PRR16: variants seen among roughly 807,000 people sequenced by gnomAD.
PRR16 encodes proline rich 16.
A neutral mutation model predicts 18.2 loss-of-function variants in PRR16; 6 were observed. The observed-to-expected ratio is 0.33, with a 90% CI of 0.18 to 0.65. The LOEUF (loss-of-function observed/expected upper bound fraction) is 0.65. PRR16 is among the 30% of genes least tolerant of loss of function. The pLI is 0.74. For missense variants in PRR16, 412 were observed against 376.6 expected, an observed-to-expected ratio of 1.09 and a Z score of -0.78; for synonymous variants, 151 against 147.8, an observed-to-expected ratio of 1.02 and a Z score of -0.16.
At chr5:120,772,895 C>T in the PRR16 span, among the ~76,000 whole-genome samples, 2 of 152,110 alleles carry the variant, frequency 1.3e-5, no homozygotes, top group Non-Finnish European at 2.9e-5. Context: ...ATCTGAAGCT[C>T]ATACGAATTT....
chr5:120,745,596 T>A, the PRR16 span, among the ~76,000 whole-genome samples: 12,733 of 152,116 alleles, frequency 0.084, 687 homozygotes, highest in South Asian at 0.12. Flanking sequence ...GGGTATCAGA[T>A]TTTGATTTTA....
chr5:120,757,017 A>G, the PRR16 span, among the ~76,000 whole-genome samples: 21,743 of 152,128 alleles, frequency 0.14, 2,108 homozygotes, highest in Non-Finnish European at 0.21. Flanking sequence ...TAGGGGGTCC[A>G]GTTTTATTCT....
At chr5:120,491,525 C>G (rs1750047847) in intron 1 of PRR16, among the ~76,000 whole-genome samples, 1 of 148,052 alleles carries the variant, frequency 6.8e-6, no homozygotes. Context: ...CTTTCTGTCT[C>G]TCTTTTTCTC....
At chr5:120,669,534 A>G (rs1191907721) in intron 1 of PRR16, among the ~76,000 whole-genome samples, 1 of 152,078 alleles carries the variant, frequency 6.6e-6, no homozygotes, top group Non-Finnish European at 1.5e-5. Flanking sequence ...ATTATCCTCT[A>G]GTTTTTGGTT....
chr5:120,759,844 A>T, the PRR16 span, among the ~76,000 whole-genome samples: 1 of 152,200 alleles, frequency 6.6e-6, no homozygotes, highest in African/African-American at 2.4e-5. Context: ...AAAGAACTGC[A>T]TAAATACACT....
chr5:120,745,865 A>ATTTTTTTT, the PRR16 span, among the ~76,000 whole-genome samples: 85 of 127,472 alleles, frequency 6.7e-4, no homozygotes, highest in African/African-American at 2.4e-3. Context: ...CGCCCGGGTA[A>ATTTTTTTT]TTTTTTTTTT....
chr5:120,649,935 G>T (rs1196397599), intron 1 of PRR16, among the ~76,000 whole-genome samples: 1 of 151,880 alleles, frequency 6.6e-6, no homozygotes, highest in South Asian at 2.1e-4. Flanking sequence ...ATATTATATA[G>T]TGTATATTTT....
chr5:120,729,463 C>G, the PRR16 span, among the ~76,000 whole-genome samples: 2 of 152,116 alleles, frequency 1.3e-5, no homozygotes, highest in Non-Finnish European at 2.9e-5. Flanking sequence ...AAGATGCTCA[C>G]TAATATATTT....
chr5:120,469,865 A>G (rs925280337), intron 1 of PRR16, among the ~76,000 whole-genome samples: 2 of 152,200 alleles, frequency 1.3e-5, no homozygotes, highest in African/African-American at 2.4e-5. Flanking sequence ...ATCACTGTCT[A>G]TTTCCAATGA....
At chr5:120,671,059 C>T (rs1580861888) in intron 1 of PRR16, among the ~76,000 whole-genome samples, 1 of 152,172 alleles carries the variant, frequency 6.6e-6, no homozygotes, top group African/African-American at 2.4e-5. Context: ...TCTTTACACA[C>T]TTCCTCCTTT....
At chr5:120,679,720 G>C (rs1227614368) in intron 1 of PRR16, among the ~76,000 whole-genome samples, 1 of 152,022 alleles carries the variant, frequency 6.6e-6, no homozygotes, top group Non-Finnish European at 1.5e-5. Context: ...GGACTTGAAC[G>C]ACATTATGCT....
intron 1 of PRR16, among the ~76,000 whole-genome samples, chr5:120,613,887 A>G (rs994204893): frequency 3.3e-5 from 5 of 152,196 alleles, no homozygotes; most frequent in Non-Finnish European, 4.4e-5. Flanking sequence ...CAATAAACAA[A>G]TTTCCTTTGA....
chr5:120,752,515 G>A, the PRR16 span, among the ~76,000 whole-genome samples: 1 of 151,898 alleles, frequency 6.6e-6, no homozygotes, highest in Non-Finnish European at 1.5e-5. Context: ...GCTTATTTGT[G>A]CTTAGACCAA....
the PRR16 span, among the ~76,000 whole-genome samples, chr5:120,775,700 G>T: frequency 1.4e-5 from 2 of 147,560 alleles, no homozygotes; most frequent in East Asian, 4.0e-4. Flanking sequence ...GCACATTCTC[G>T]GCTCATGGCA....
At chr5:120,709,941 C>T in the PRR16 span, among the ~76,000 whole-genome samples, 19 of 152,182 alleles carry the variant, frequency 1.2e-4, 1 homozygote, top group East Asian at 5.8e-4. Context: ...TAAACAGGAG[C>T]ATAGATATGT....
intron 1 of PRR16, among the ~76,000 whole-genome samples, chr5:120,491,368 CT>C (rs1750032607): frequency 6.6e-6 from 1 of 152,014 alleles, no homozygotes; most frequent in South Asian, 2.1e-4. Flanking sequence ...ATCATTTTCC[CT>C]TCTTGTACAT....
chr5:120,503,804 A>C (rs1197439438), intron 1 of PRR16, among the ~76,000 whole-genome samples: 1 of 146,274 alleles, frequency 6.8e-6, no homozygotes, highest in Non-Finnish European at 1.5e-5. Flanking sequence ...CCCACCCCAC[A>C]ACAGTCCCCA....
chr5:120,542,331 T>C (rs2112685005), intron 1 of PRR16, among the ~76,000 whole-genome samples: 1 of 152,306 alleles, frequency 6.6e-6, no homozygotes, highest in East Asian at 1.9e-4. Context: ...TATTTTTAAA[T>C]ATTCCTTCTA....
At chr5:120,645,779 C>T (rs1482276867) in intron 1 of PRR16, among the ~76,000 whole-genome samples, 2 of 152,056 alleles carry the variant, frequency 1.3e-5, no homozygotes, top group East Asian at 3.9e-4. Context: ...GTTCTGCTCA[C>T]TCTAGTGATC....
Sources: allele counts gnomAD v4.1 joint callset (sites outside exome capture counted in the v4.1 genomes callset), GRCh38; gene constraint gnomAD v4.1.1; transcripts MANE v1.5; gene names NCBI Gene and HGNC (gene_info 2026-07-23, HGNC 2026-07-21).